Variants in NETO1 observed in about 807,000 individuals in gnomAD.
NETO1 encodes the protein neuropilin and tolloid-like protein 1.
A neutral mutation model predicts 61.3 loss-of-function variants in NETO1; 26 were observed. The ratio of observed to expected loss-of-function variants is 0.42; its 90% CI spans 0.31 to 0.59. NETO1 has a LOEUF of 0.59. NETO1 is among the 20% of genes least tolerant of loss of function. The pLI, the probability that NETO1 is intolerant of heterozygous loss-of-function variation, is 0.12. For missense variants in NETO1, 531 were observed against 662.8 expected, an observed-to-expected ratio of 0.80 and a Z score of 2.18; for synonymous variants, 225 against 225.8, an observed-to-expected ratio of 1.00 and a Z score of 0.03.
chr18:72,746,392 A>G lies in NETO1; in HGVS notation c.*1787T>C, dbSNP rs192268972. Among the ~76,000 whole-genome samples the G allele has an allele frequency of 9.5e-4, 144 of 152,276 alleles. 2 individuals are homozygous for G. The highest frequency in any genetic ancestry group is 3.8e-3 in the Admixed American group (58 of 15,278). ...ATAAAAAAGGGTACATTTTATCATA[A>G]GCAATGTGTATAAAACTATGTAGCA... On this transcript the variant is annotated 3_prime_UTR_variant, in exon 11 of 11. Transcript: ENST00000327305.
intron 6 of NETO1, among the ~76,000 whole-genome samples, chr18:72,791,097 T>C (rs1434686784): frequency 6.6e-6 from 1 of 152,216 alleles, no homozygotes; most frequent in African/African-American, 2.4e-5. Context: ...ACAAGGTTCT[T>C]TCTGCCTCTG....
intron 4 of NETO1, among the ~76,000 whole-genome samples, chr18:72,813,390 A>G (rs368550934): frequency 3.8e-4 from 58 of 152,244 alleles, no homozygotes; most frequent in African/African-American, 1.3e-3. Context: ...AATTTTCCAA[A>G]GAAAATGAGT....
rs181658185 is a variant in NETO1, at chr18:72,788,803, A to G, written c.640-4897T>C. Among the ~76,000 whole-genome samples the G allele has an allele frequency of 7.9e-5, 12 of 152,274 alleles. No individual in the cohort carries two copies. In the East Asian group the frequency reaches 2.1e-3, roughly 27 times the overall value. ...TTTTATATGCAAAGCAAATAAATCT[A>G]GCTAACAATTTACTAAGTAATATAT... On this transcript the variant is annotated intron_variant, in intron 6 of 10. Transcript: ENST00000327305.
intron 4 of NETO1, among the ~76,000 whole-genome samples, chr18:72,833,734 T>C (rs1199338033): frequency 6.6e-6 from 1 of 152,170 alleles, no homozygotes; most frequent in Non-Finnish European, 1.5e-5. Flanking sequence ...TTGTCGTGCA[T>C]ATATCCGCTG....
chr18:72,814,026 G>A (rs139973277), intron 4 of NETO1, among the ~76,000 whole-genome samples: 49 of 152,130 alleles, frequency 3.2e-4, no homozygotes, highest in African/African-American at 1.1e-3. Context: ...GAAAAAAAAT[G>A]CTCATCCAGA....
intron 4 of NETO1, among the ~76,000 whole-genome samples, chr18:72,814,431 G>C (rs2072964743): frequency 1.3e-5 from 2 of 151,438 alleles, no homozygotes; most frequent in African/African-American, 2.4e-5. Context: ...CAAATTGCAT[G>C]AGGAAATTAT....
At chr18:72,748,589 T>G (rs2070486306) in intron 10 of NETO1, among the ~76,000 whole-genome samples, 1 of 152,136 alleles carries the variant, frequency 6.6e-6, no homozygotes, top group African/African-American at 2.4e-5. Flanking sequence ...AGTACAATTG[T>G]TGCCAAATTA....
chr18:72,755,319 T>C (rs982819206), intron 8 of NETO1, among the ~76,000 whole-genome samples: 10 of 152,332 alleles, frequency 6.6e-5, no homozygotes, highest in African/African-American at 9.6e-5. Context: ...TTTACTTCTA[T>C]GCACAGAAGG....
At chr18:72,796,498 T>C (rs2072315590) in intron 4 of NETO1, among the ~76,000 whole-genome samples, 1 of 152,230 alleles carries the variant, frequency 6.6e-6, no homozygotes, top group African/African-American at 2.4e-5. Context: ...GTTTGTTTTT[T>C]TGAGACGGAG....
intron 6 of NETO1, among the ~76,000 whole-genome samples, 182 bp from the exon 7 acceptor site, chr18:72,784,088 A>T (rs1225245026): frequency 6.6e-6 from 1 of 152,148 alleles, no homozygotes; most frequent in Non-Finnish European, 1.5e-5. Flanking sequence ...ATTTTTTTTC[A>T]AATGCTATTA....
chr18:72,806,274 ACAAT>A lies in NETO1; in HGVS notation c.470-11874_470-11871del, dbSNP rs900957400. On this transcript the variant is annotated intron_variant, in intron 4 of 10. Coordinates refer to ENST00000327305, the MANE Select transcript of NETO1 (RefSeq NM_138966.5). ...TTGGGTGTGGGAAGTGAAGGAGAAAACAATCAGGGACAATGTTTAGTTTTCTCAT... is the reference window on the plus strand; with the variant it reads ...TTGGGTGTGGGAAGTGAAGGAGAAAACAGGGACAATGTTTAGTTTTCTCAT... Among the ~76,000 whole-genome samples the A allele has an allele frequency of 3.3e-5, 5 of 152,246 alleles. No homozygotes were observed. The South Asian group carries it at 6.2e-4, about 19-fold the overall frequency.
chr18:72,777,209 A>G (rs35661378), intron 7 of NETO1, among the ~76,000 whole-genome samples: 45,586 of 151,312 alleles, frequency 0.3, 8,001 homozygotes, highest in South Asian at 0.48. Flanking sequence ...CCTGAGGTCC[A>G]GAGTAAGCAA....
intron 4 of NETO1, among the ~76,000 whole-genome samples, chr18:72,847,151 G>T (rs915798433): frequency 6.6e-6 from 1 of 152,180 alleles, no homozygotes; most frequent in Non-Finnish European, 1.5e-5. Context: ...ATGATGAATA[G>T]AAAACAGAAG....
At position 72,773,902 on chromosome 18, in the gene NETO1, A is replaced by G. The variant is rs183071532; in HGVS notation, c.868+9776T>C. Among the ~76,000 whole-genome samples the G allele has an allele frequency of 1.7e-3, 253 of 152,218 alleles. 1 individual carries two copies. The highest frequency in any genetic ancestry group is 5.9e-3 in the African/African-American group (246 of 41,550). On this transcript the variant is annotated intron_variant, in intron 7 of 10. Coordinates refer to ENST00000327305, the MANE Select transcript of NETO1 (RefSeq NM_138966.5). ...CAGAGTATTTCAACTCAGTTTTTGG[A>G]ACTTAAATGTTACTGTATGTATATT... is the stretch of plus-strand genomic sequence containing the variant.
At chr18:72,766,384 C>G (rs1308209889) in intron 7 of NETO1, among the ~76,000 whole-genome samples, 1 of 151,888 alleles carries the variant, frequency 6.6e-6, no homozygotes, top group Admixed American at 6.6e-5. Context: ...GGAAAAATTT[C>G]CCTTGTCAGC....
chr18:72,829,595 A>G (rs1415638272), intron 4 of NETO1, among the ~76,000 whole-genome samples: 1 of 152,238 alleles, frequency 6.6e-6, no homozygotes, highest in Admixed American at 6.5e-5. Flanking sequence ...AGCTGTTAAA[A>G]TAGTTCTATG....
chr18:72,772,759 C>CTATCTATATA (rs1555684130), intron 7 of NETO1, among the ~76,000 whole-genome samples: 1 of 102,320 alleles, frequency 9.8e-6, no homozygotes, highest in African/African-American at 3.6e-5. Flanking sequence ...CTATATATAT[C>CTATCTATATA]TATATATATA....
chr18:72,770,247 T>A (rs1380164346), intron 7 of NETO1, among the ~76,000 whole-genome samples: 1 of 152,060 alleles, frequency 6.6e-6, no homozygotes, highest in Admixed American at 6.6e-5. Context: ...ATCTTTTTCT[T>A]ATTTTTGAAT....
rs1568187120 is a variant in NETO1, at chr18:72,772,785, CTATATAGT to C, written c.868+10885_868+10892del. ...TATATATATATATATATACAGATCT[CTATATAGT>C]TCTCTCTCTCTCTCTCTCTCTCTCT... On this transcript the variant is annotated intron_variant, in intron 7 of 10. Coordinates refer to ENST00000327305, the MANE Select transcript of NETO1 (RefSeq NM_138966.5). 3.3e-5 allele frequency among the ~76,000 whole-genome samples: 3 copies of C among 91,044 alleles called. 1 individual carries two copies. The highest frequency in any genetic ancestry group is 3.6e-4 in the East Asian group (1 of 2,758). 59.7% of individuals were successfully genotyped at this position (91,044 alleles called of 152,430 possible). A position where few individuals can be genotyped will look rare whatever the true frequency, so the allele number is the denominator to read the frequency against.
Sources: allele counts gnomAD v4.1 joint callset (sites outside exome capture counted in the v4.1 genomes callset), GRCh38; gene constraint gnomAD v4.1.1; transcripts MANE v1.5; gene names NCBI Gene and HGNC (gene_info 2026-07-23, HGNC 2026-07-21).